SCRN1: variants seen among roughly 807,000 people sequenced by gnomAD.
SCRN1 encodes secernin-1.
SCRN1 carries 19 observed loss-of-function variants against 43.3 expected under a neutral mutation model. The observed-to-expected ratio is 0.44, with a 90% CI of 0.31 to 0.64. The LOEUF (loss-of-function observed/expected upper bound fraction) is 0.64. SCRN1 is among the 30% of genes least tolerant of loss of function. SCRN1 has a pLI of 0.09. For missense variants in SCRN1, 447 were observed against 524.1 expected (o/e 0.85, Z 1.44); for synonymous variants, 183 against 188.9 (o/e 0.97, Z 0.26).
chr7:29,958,575 C>T (rs1395071181), intron 2 of SCRN1, among the ~76,000 whole-genome samples: 2 of 152,076 alleles, frequency 1.3e-5, no homozygotes, highest in Non-Finnish European at 2.9e-5. Flanking sequence ...AATTTAGTTC[C>T]CCAAGTCAAA....
intron 1 of SCRN1, among the ~76,000 whole-genome samples, chr7:29,986,776 G>A (rs1461699783): frequency 7.2e-6 from 1 of 138,404 alleles, no homozygotes; most frequent in Non-Finnish European, 1.5e-5. Flanking sequence ...CCAGGCTGGA[G>A]TGCAGTGGCA....
chr7:29,989,560 G>A lies in SCRN1; in HGVS notation c.-2+82C>T, dbSNP rs886475039. On this transcript the variant is annotated intron_variant, in intron 1 of 7. Transcript: ENST00000242059. ...GAGGGACAGCGGGAGGAGATGAAAC[G>A]CAGGAGGTGGCGATGGCGGGTGGGG... 36 of 985,466 alleles carry A rather than the reference G, an allele frequency of 3.7e-5. 1 individual carries two copies. The highest frequency in any genetic ancestry group is 8.7e-5 in the African/African-American group (5 of 57,256). The allele number at this position is 985,466 out of a possible 1,614,324, so 61.0% of individuals were successfully genotyped here.
intron 6 of SCRN1, among the ~76,000 whole-genome samples, chr7:29,929,842 T>C (rs1562801517): frequency 6.6e-6 from 1 of 152,246 alleles, no homozygotes; most frequent in Admixed American, 6.5e-5. Flanking sequence ...GTCTTCTGTA[T>C]TCAATATAGG....
chr7:29,935,880 C>T (rs1787307311), intron 6 of SCRN1, among the ~76,000 whole-genome samples: 1 of 152,304 alleles, frequency 6.6e-6, no homozygotes, highest in Admixed American at 6.5e-5. Context: ...ATATTATCCC[C>T]ATTGTACAAA....
At chr7:29,951,739 A>G (rs1270848763) in intron 3 of SCRN1, among the ~76,000 whole-genome samples, 3 of 152,258 alleles carry the variant, frequency 2.0e-5, no homozygotes, top group Non-Finnish European at 4.4e-5. Context: ...CATTATAAAA[A>G]CAATATTGCC....
intron 1 of SCRN1, among the ~76,000 whole-genome samples, chr7:29,982,142 A>G (rs1026826491): frequency 6.6e-6 from 1 of 152,200 alleles, no homozygotes; most frequent in African/African-American, 2.4e-5. Flanking sequence ...AAGTGTTTCC[A>G]GTGTTCCTCT....
At chr7:29,929,448 T>C (rs1185948941) in intron 6 of SCRN1, among the ~76,000 whole-genome samples, 1 of 152,234 alleles carries the variant, frequency 6.6e-6, no homozygotes, top group Non-Finnish European at 1.5e-5. Context: ...GTGGGAGCAG[T>C]ATCTTCATCA....
intron 5 of SCRN1, among the ~76,000 whole-genome samples, chr7:29,940,026 T>G (rs541197749): frequency 6.6e-6 from 1 of 151,388 alleles, no homozygotes; most frequent in South Asian, 2.1e-4. Context: ...GGCATATGTT[T>G]GTAGTCCCAG....
At chr7:29,947,198 C>T in intron 3 of SCRN1, 1 of 1,550,370 alleles carries the variant, frequency 6.5e-7, no homozygotes, top group Non-Finnish European at 8.7e-7. Context: ...TGCTCTGGGC[C>T]TGGGAATTAG....
At chr7:29,928,260 CACCCTGTCCTGCTG>C (rs1308876655) in intron 6 of SCRN1, among the ~76,000 whole-genome samples, 1 of 152,198 alleles carries the variant, frequency 6.6e-6, no homozygotes, top group East Asian at 1.9e-4. Context: ...CCTCAGGCCC[CACCCTGTCCTGCTG>C]AATCAGAATC....
In SCRN1 at chr7:29,959,511, C is replaced by T. The variant is rs113804911; in HGVS notation, c.160-4151G>A. On this transcript the variant is annotated intron_variant, in intron 2 of 7. Transcript: ENST00000242059. ...CTCCCAATACCTGGGCTCAAGCGAT[C>T]CTCCCCTCTTAGCCTCCCAAGTAGC... is the stretch of plus-strand genomic sequence containing the variant. Among the ~76,000 whole-genome samples the T allele has an allele frequency of 6.6e-3, 1,012 of 152,216 alleles. 6 individuals carry two copies. Among genetic ancestry groups the T allele is most frequent in the Non-Finnish European group, 1.0e-2 (677 of 68,026 alleles).
At chr7:29,929,965 G>C (rs1010290783) in intron 6 of SCRN1, among the ~76,000 whole-genome samples, 5 of 152,160 alleles carry the variant, frequency 3.3e-5, no homozygotes, top group African/African-American at 1.2e-4. Context: ...TTTTCTAAGA[G>C]AAGAGATACC....
intron 2 of SCRN1, among the ~76,000 whole-genome samples, chr7:29,960,486 A>G (rs552510597): frequency 6.6e-6 from 1 of 152,348 alleles, no homozygotes; most frequent in East Asian, 1.9e-4. Context: ...CTCTTTTAAA[A>G]AATATTATGT....
chr7:29,943,948 A>C, intron 4 of SCRN1, 29 bp downstream of exon 4: 1 of 1,610,598 alleles, frequency 6.2e-7, no homozygotes, highest in Non-Finnish European at 8.5e-7. Context: ...CCCTGTCCTC[A>C]GAACTCTCCA....
At position 29,926,562 on chromosome 7, in the gene SCRN1, C is replaced by T. The variant is rs1786966132; in HGVS notation, c.976G>A (p.Gly326Arg). 1.2e-6 allele frequency: 2 copies of T among 1,614,150 alleles called. No homozygotes were observed. The highest frequency in any genetic ancestry group is 2.2e-5 in the East Asian group (1 of 44,870). ...TCCTTTTTGGCAGGGTCGTCATCCC[C>T]AAAACAGGGAGACTGTGTTTTGGGG... The part of the protein sequence containing the change: ...LVPKTQSPCF[G>R]DDDPAKKEPR... The change falls in exon 7 of 8, where the codon GGG becomes AGG. Residue 326 changes from glycine to arginine, a missense_variant. By Grantham distance (125) the Gly-to-Arg change is moderately radical. Coordinates refer to ENST00000242059, the MANE Select transcript of SCRN1 (RefSeq NM_014766.5).
intron 2 of SCRN1, among the ~76,000 whole-genome samples, chr7:29,959,082 T>C (rs1788225369): frequency 6.6e-6 from 1 of 152,212 alleles, no homozygotes; most frequent in South Asian, 2.1e-4. Context: ...ATGCCGTCAC[T>C]TCACCCCATC....
chr7:29,962,950 A>T (rs1430381959), intron 2 of SCRN1, among the ~76,000 whole-genome samples: 1 of 152,154 alleles, frequency 6.6e-6, no homozygotes, highest in Non-Finnish European at 1.5e-5. Flanking sequence ...GGGTAAGAGT[A>T]AGTTTGAAAA....
rs569412627 is a variant in SCRN1 at position 29,922,913 on chromosome 7, T to C, written c.*1044A>G. 3 of 152,348 alleles carry C rather than the reference T, an allele frequency of 2.0e-5. No individual in the cohort carries two copies. Among genetic ancestry groups the C allele is most frequent in the Non-Finnish European group, 2.9e-5 (2 of 68,042 alleles). 9.4% of individuals were successfully genotyped at this position (152,348 alleles called of 1,614,324 possible). On this transcript the variant is annotated 3_prime_UTR_variant, in exon 8 of 8. Coordinates refer to ENST00000242059, the MANE Select transcript of SCRN1 (RefSeq NM_014766.5). ...TCAAATCCTTTAAGTGAACCCGACA[T>C]TGGAAACAAATCAGTTTAATTAAAG... is the stretch of plus-strand genomic sequence containing the variant.
intron 4 of SCRN1, among the ~76,000 whole-genome samples, chr7:29,943,023 G>C (rs1265586779): frequency 6.6e-6 from 1 of 152,204 alleles, no homozygotes; most frequent in East Asian, 1.9e-4. Context: ...TCACCCCTAA[G>C]ATAGGGACGG....
Sources: allele counts gnomAD v4.1 joint callset (sites outside exome capture counted in the v4.1 genomes callset), GRCh38; gene constraint gnomAD v4.1.1; transcripts MANE v1.5; gene names NCBI Gene and HGNC (gene_info 2026-07-23, HGNC 2026-07-21).